Variants in ZNF644 observed in about 807,000 individuals in gnomAD.
ZNF644 encodes zinc finger protein 644.
In ZNF644, 20 loss-of-function variants were observed where a neutral mutation model predicts 108.0. The observed-to-expected ratio is 0.19, with a 90% CI of 0.13 to 0.27. The LOEUF (loss-of-function observed/expected upper bound fraction) is 0.27, where lower values mean the gene tolerates loss of function less well. ZNF644 is among the 10% of genes least tolerant of loss of function. The pLI, the probability that ZNF644 is intolerant of heterozygous loss-of-function variation, is 1.00. For missense variants in ZNF644, 1,338 were observed against 1,548.9 expected (o/e 0.86, Z 2.29); for synonymous variants, 542 against 539.1 (o/e 1.01, Z -0.08).
rs115086120 is a variant in ZNF644 at position 90,920,664 on chromosome 1, C to T, written c.3689-2510G>A. Among the ~76,000 whole-genome samples, 1,051 of 151,994 alleles carry T rather than the reference C, an allele frequency of 6.9e-3. 16 individuals carry two copies. Among genetic ancestry groups the T allele is most frequent in the African/African-American group, 0.024 (986 of 41,512 alleles). On this transcript the variant is annotated intron_variant, in intron 4 of 5. Coordinates refer to ENST00000337393, the MANE Select transcript of ZNF644 (RefSeq NM_201269.3). Reference sequence around the variant, plus strand: ...AATGAGAATGCCATCATTTTTGTAGCAATGAGTATTTGAAGGTATTATAAC... The same window carrying T: ...AATGAGAATGCCATCATTTTTGTAGTAATGAGTATTTGAAGGTATTATAAC...
intron 2 of ZNF644, among the ~76,000 whole-genome samples, chr1:90,944,777 T>C (rs1171550573): frequency 6.6e-6 from 1 of 152,202 alleles, no homozygotes; most frequent in East Asian, 1.9e-4. Context: ...GTACTTATTT[T>C]AGGAACAATT....
At chr1:90,963,196 T>C (rs1328308765) in intron 2 of ZNF644, among the ~76,000 whole-genome samples, 1 of 152,068 alleles carries the variant, frequency 6.6e-6, no homozygotes, top group African/African-American at 2.4e-5. Flanking sequence ...AGTAATTTTG[T>C]TAAGGTGGTG....
intron 2 of ZNF644, among the ~76,000 whole-genome samples, chr1:90,945,899 G>T (rs1652464891): frequency 6.6e-6 from 1 of 151,986 alleles, no homozygotes; most frequent in Non-Finnish European, 1.5e-5. Context: ...AGTACAATTT[G>T]CCCTCATTGT....
intron 2 of ZNF644, among the ~76,000 whole-genome samples, chr1:90,964,918 G>C (rs963351850): frequency 1.3e-5 from 2 of 152,038 alleles, no homozygotes; most frequent in African/African-American, 4.8e-5. Context: ...TTTGTTGCTT[G>C]TTGTTTTTAA....
intron 1 of ZNF644, among the ~76,000 whole-genome samples, chr1:91,004,741 T>C (rs943696605): frequency 2.6e-5 from 4 of 152,196 alleles, no homozygotes; most frequent in African/African-American, 9.6e-5. Context: ...AATGTTTGTA[T>C]ATTATTAAAA....
At chr1:90,918,992 TTAAAA>T (rs1649121642) in intron 4 of ZNF644, among the ~76,000 whole-genome samples, 1 of 151,944 alleles carries the variant, frequency 6.6e-6, no homozygotes, top group South Asian at 2.1e-4. Context: ...AAAAAAAAAA[TTAAAA>T]TAGACCAAAA....
intron 1 of ZNF644, among the ~76,000 whole-genome samples, chr1:91,019,137 T>C (rs1179079651): frequency 6.6e-6 from 1 of 152,222 alleles, no homozygotes; most frequent in Non-Finnish European, 1.5e-5. Context: ...TAAAAATCAC[T>C]ATAGGGTTCC....
At chr1:91,011,624 A>T (rs1659967195) in intron 1 of ZNF644, among the ~76,000 whole-genome samples, 2 of 152,156 alleles carry the variant, frequency 1.3e-5, no homozygotes, top group South Asian at 4.1e-4. Flanking sequence ...CATGATCAAC[A>T]ATTCTATTTC....
intron 4 of ZNF644, among the ~76,000 whole-genome samples, chr1:90,923,269 C>T (rs1394355351): frequency 1.3e-5 from 2 of 152,042 alleles, no homozygotes; most frequent in Admixed American, 6.6e-5. Context: ...CAAATAGCAG[C>T]CCTGGGACCT....
At chr1:91,014,452 A>C (rs995822090) in intron 1 of ZNF644, among the ~76,000 whole-genome samples, 5 of 152,200 alleles carry the variant, frequency 3.3e-5, no homozygotes, top group African/African-American at 1.2e-4. Flanking sequence ...TATTAAAAAA[A>C]AGTTGTTTTC....
intron 1 of ZNF644, among the ~76,000 whole-genome samples, chr1:91,014,924 CATT>C (rs1557667567): frequency 1.3e-5 from 2 of 152,214 alleles, no homozygotes; most frequent in Middle Eastern, 3.4e-3. Flanking sequence ...TTGGCTACTC[CATT>C]ATTAAGTGGA....
At position 90,939,086 on chromosome 1, in the gene ZNF644, T is replaced by C. The variant is rs555020654; in HGVS notation, c.2268A>G (p.Ser756=). Residue 756 remains serine (S), a synonymous_variant, in exon 3 of 6, where the codon TCA becomes TCG. Coordinates refer to ENST00000337393, the MANE Select transcript of ZNF644 (RefSeq NM_201269.3). Reference sequence around the variant, plus strand: ...CTTCTTTTTTGAAATGCACAGGATATGATTCACCTGATTTTTTGATCATCC... The same window carrying C: ...CTTCTTTTTTGAAATGCACAGGATACGATTCACCTGATTTTTTGATCATCC... ...NYRMIKKSGE[S]YPVHFKKEEA... 13 of 1,614,048 alleles carry C rather than the reference T, an allele frequency of 8.1e-6. No individual in the cohort carries two copies. In the South Asian group the frequency reaches 1.4e-4, roughly 18 times the overall value.
chr1:90,931,983 A>T (rs529277728), intron 4 of ZNF644, among the ~76,000 whole-genome samples: 1 of 152,304 alleles, frequency 6.6e-6, no homozygotes, highest in East Asian at 1.9e-4. Flanking sequence ...AGAACAAATA[A>T]GTGCATGTTT....
intron 2 of ZNF644, among the ~76,000 whole-genome samples, chr1:90,959,316 T>C (rs1021924318): frequency 6.6e-6 from 1 of 152,180 alleles, no homozygotes; most frequent in African/African-American, 2.4e-5. Flanking sequence ...GCTGGTGGGA[T>C]AATAAGTATG....
chr1:90,956,701 G>C (rs1014798675), intron 2 of ZNF644, among the ~76,000 whole-genome samples: 1 of 152,072 alleles, frequency 6.6e-6, no homozygotes, highest in Non-Finnish European at 1.5e-5. Flanking sequence ...TCAATCTTTA[G>C]AATAAAGATA....
intron 2 of ZNF644, among the ~76,000 whole-genome samples, chr1:90,967,139 C>T (rs1020812727): frequency 3.9e-5 from 6 of 152,182 alleles, no homozygotes; most frequent in African/African-American, 9.7e-5. Context: ...TCAGATTCTA[C>T]TCCCATCAGT....
intron 1 of ZNF644, chr1:91,020,381 T>A (rs1423587290): frequency 6.6e-6 from 1 of 152,156 alleles, no homozygotes; most frequent in Non-Finnish European, 1.5e-5. Context: ...CACAAAACAT[T>A]AGGTGTTTCA....
chr1:90,986,316 A>C (rs1334647578), intron 1 of ZNF644, among the ~76,000 whole-genome samples: 2 of 148,114 alleles, frequency 1.4e-5, no homozygotes, highest in African/African-American at 5.0e-5. Flanking sequence ...AGGTGAAAAG[A>C]AAAAACAAAA....
Position 90,938,903 on chromosome 1 carries a change from C to T in ZNF644, c.2451G>A (p.Lys817=). The T allele has an allele frequency of 6.2e-7, 1 of 1,613,978 alleles. No individual in the cohort carries two copies. The highest frequency in any genetic ancestry group is 8.5e-7 in the Non-Finnish European group (1 of 1,179,944). The stretch of plus-strand genomic sequence containing the variant: ...AGTCTTCCCCTCCAACAGAACTTTC[C>T]TTCTTAGATTCCTTAATTACTCTCT... ...AVKRVIKESK[K]ESSVGGEDLD... Residue 817 remains lysine (K), a synonymous_variant, in exon 3 of 6, where the codon AAG becomes AAA. Transcript: ENST00000337393. This position sits in a 1 kb window ranked among gnomAD's most constrained non-coding sequence, Gnocchi z 4.2.
Sources: allele counts gnomAD v4.1 joint callset (sites outside exome capture counted in the v4.1 genomes callset), GRCh38; gene constraint gnomAD v4.1.1; non-coding constraint Gnocchi (gnomAD v3.1); transcripts MANE v1.5; gene names NCBI Gene and HGNC (gene_info 2026-07-23, HGNC 2026-07-21).